The following WDR64 variants were observed in gnomAD, a reference collection of about 807,000 sequenced individuals.
The protein encoded by WDR64 is WD repeat domain 64, also known as WD repeat-containing protein 64.
Under a neutral mutation model 139.3 loss-of-function variants are expected in WDR64, and 112 were observed. That is an observed-to-expected ratio of 0.80 (90% CI 0.69 to 0.94). The LOEUF is 0.94. Among genes scored for constraint, WDR64 ranks in the 40% least tolerant of loss-of-function variants. The probability of loss-of-function intolerance (pLI) is 0.00; values close to 1 mark genes in which losing one functional copy is unlikely to be tolerated. For missense variants in WDR64, 1,206 were observed against 1,293.1 expected (o/e 0.93, Z 1.03); for synonymous variants, 444 against 437.7 (o/e 1.01, Z -0.18).
chr1:241,792,804 G>A (rs1424773763), intron 25 of WDR64, among the ~76,000 whole-genome samples: 1 of 152,130 alleles, frequency 6.6e-6, no homozygotes, highest in Non-Finnish European at 1.5e-5. Flanking sequence ...TGGTAGTGGT[G>A]TAAATTGGTA....
intron 15 of WDR64, among the ~76,000 whole-genome samples, chr1:241,763,679 T>A (rs1310839100): frequency 1.3e-5 from 2 of 152,184 alleles, no homozygotes; most frequent in Non-Finnish European, 2.9e-5. Context: ...CACTCCAGCC[T>A]TGGCAACAGA....
In WDR64 at chr1:241,781,817, G is replaced by T. The variant is rs1296644933; in HGVS notation, c.2596-1455G>T. ...TCATATTGATGTACATTTCACATAG[G>T]TGAAGTATCCTTTTGTGAAACTTGT... On this transcript the variant is annotated intron_variant, in intron 22 of 27. Coordinates refer to ENST00000437684, the MANE Select transcript of WDR64 (RefSeq NM_001367482.1). 2.0e-5 allele frequency among the ~76,000 whole-genome samples: 3 copies of T among 152,220 alleles called. No individual in the cohort carries two copies. In the East Asian group the frequency reaches 5.8e-4, roughly 29 times the overall value.
intron 15 of WDR64, among the ~76,000 whole-genome samples, chr1:241,758,199 G>C (rs992125271): frequency 1.3e-5 from 2 of 151,848 alleles, no homozygotes; most frequent in Non-Finnish European, 2.9e-5. Context: ...CTGCAATCTG[G>C]TAGTTAAATC....
At chr1:241,780,086 T>C (rs369245906) in intron 22 of WDR64, 24 bp downstream of exon 22, 1 of 1,564,462 alleles carries the variant, frequency 6.4e-7, no homozygotes. Context: ...TTTTCCACTT[T>C]AATTTATGAG....
intron 16 of WDR64, among the ~76,000 whole-genome samples, chr1:241,767,862 TG>T (rs1658250709): frequency 6.6e-6 from 1 of 152,182 alleles, no homozygotes; most frequent in Non-Finnish European, 1.5e-5. Flanking sequence ...ATCCTGCCCC[TG>T]GAATTCCTGT....
chr1:241,683,864 T>TACACACAC (rs11473073), intron 7 of WDR64, among the ~76,000 whole-genome samples, 163 bp downstream of exon 7: 4,236 of 145,506 alleles, frequency 0.029, 82 homozygotes, highest in African/African-American at 0.051. Flanking sequence ...TGTTCATGTA[T>TACACACAC]ACACACACAC....
intron 10 of WDR64, among the ~76,000 whole-genome samples, chr1:241,726,446 T>G (rs929101848): frequency 2.6e-5 from 4 of 152,012 alleles, no homozygotes; most frequent in African/African-American, 9.7e-5. Flanking sequence ...CTATTTAAAT[T>G]GACTAAAACT....
chr1:241,712,832 A>T (rs998981949), intron 9 of WDR64, among the ~76,000 whole-genome samples: 1 of 152,020 alleles, frequency 6.6e-6, no homozygotes, highest in Admixed American at 6.6e-5. Context: ...CAAGAGGCTG[A>T]GGCAGAGGAT....
At chr1:241,796,479 A>C in intron 27 of WDR64, 109 bp downstream of exon 27, 4 of 730,180 alleles carry the variant, frequency 5.5e-6, no homozygotes, top group Non-Finnish European at 8.4e-6. Flanking sequence ...ACCTAAAATC[A>C]TTTCAGTTCA....
intron 9 of WDR64, among the ~76,000 whole-genome samples, chr1:241,721,880 A>G (rs1158292044): frequency 6.6e-6 from 1 of 152,172 alleles, no homozygotes; most frequent in Non-Finnish European, 1.5e-5. Context: ...ACACAATGAA[A>G]ATGTAAAGTT....
At chr1:241,738,600 T>A (rs967548543) in intron 11 of WDR64, 111 bp downstream of exon 11, 9 of 1,115,026 alleles carry the variant, frequency 8.1e-6, no homozygotes, top group Non-Finnish European at 1.1e-5. Context: ...AAGGGTAATT[T>A]ATCAAACCAT....
At chr1:241,698,212 G>A (rs936682270) in intron 8 of WDR64, among the ~76,000 whole-genome samples, 3 of 151,966 alleles carry the variant, frequency 2.0e-5, no homozygotes, top group Non-Finnish European at 4.4e-5. Flanking sequence ...TATTTTGCTT[G>A]GTGGCACTAT....
rs1180993238 is a variant in WDR64 at position 241,703,989 on chromosome 1, C to T, written c.975-7813C>T. Among the ~76,000 whole-genome samples, 8 of 152,216 alleles carry T rather than the reference C, an allele frequency of 5.3e-5. No individual in the cohort carries two copies. The highest frequency in any genetic ancestry group is 1.5e-5 in the Non-Finnish European group (1 of 68,032). Reference sequence around the variant, plus strand: ...TGAACCAATCACCTCCCACTAGGTTCCTTCCTCAATACTTGGGGATTACAA... The same window carrying T: ...TGAACCAATCACCTCCCACTAGGTTTCTTCCTCAATACTTGGGGATTACAA... On this transcript the variant is annotated intron_variant, in intron 8 of 27. Transcript: ENST00000437684. The surrounding 1 kb of genome is among the most constrained non-coding windows in gnomAD (Gnocchi z 5.9).
chr1:241,779,019 T>C (rs1425156395), intron 21 of WDR64, among the ~76,000 whole-genome samples: 1 of 152,156 alleles, frequency 6.6e-6, no homozygotes, highest in East Asian at 1.9e-4. Context: ...TTCTTTTTTC[T>C]GAACTTCTTT....
At chr1:241,690,645 T>C (rs946547594) in intron 8 of WDR64, among the ~76,000 whole-genome samples, 1 of 152,092 alleles carries the variant, frequency 6.6e-6, no homozygotes, top group Non-Finnish European at 1.5e-5. Flanking sequence ...ACCGTGAAAT[T>C]AGCCTTTAAA....
intron 7 of WDR64, 50 bp downstream of exon 7, chr1:241,683,751 T>G (rs1468138706): frequency 7.3e-7 from 1 of 1,366,206 alleles, no homozygotes; most frequent in East Asian, 2.5e-5. Flanking sequence ...TATAGTCTTT[T>G]GCAAGTAAGC....
intron 10 of WDR64, among the ~76,000 whole-genome samples, chr1:241,733,453 C>T (rs765717048): frequency 4.0e-5 from 6 of 150,768 alleles, no homozygotes; most frequent in South Asian, 4.2e-4. Context: ...CCAGCCTGGG[C>T]GACAAGAGCA....
intron 10 of WDR64, among the ~76,000 whole-genome samples, chr1:241,724,174 T>C (rs1668715742): frequency 6.6e-6 from 1 of 152,154 alleles, no homozygotes; most frequent in South Asian, 2.1e-4. Flanking sequence ...ACTATGTTCC[T>C]ACATGGAAAT....
rs749668564 is a variant in WDR64 at position 241,787,972 on chromosome 1, A to C, written c.2829A>C (p.Lys943Asn). 1.2e-6 allele frequency: 2 copies of C among 1,607,938 alleles called. No individual in the cohort carries two copies. Among genetic ancestry groups the C allele is most frequent in the East Asian group, 4.5e-5 (2 of 44,780 alleles). The change falls in exon 24 of 28, where the codon AAA (lysine) becomes AAC (asparagine). Residue 943 changes from lysine (K) to asparagine (N), a missense_variant. By Grantham distance (94) the Lys-to-Asn change is moderately conservative. Coordinates refer to ENST00000437684, the MANE Select transcript of WDR64 (RefSeq NM_001367482.1). The stretch of plus-strand genomic sequence containing the variant: ...TTACTGAATATCCCATAGAAATAAA[A>C]GAAGAAAGCAAGTTCACAGAGAAGC... Reference protein sequence around the residue: ...CDVTEYPIEIKEESKFTEKQK... With the variant: ...CDVTEYPIEINEESKFTEKQK...
Sources: allele counts gnomAD v4.1 joint callset (sites outside exome capture counted in the v4.1 genomes callset), GRCh38; gene constraint gnomAD v4.1.1; non-coding constraint Gnocchi (gnomAD v3.1); transcripts MANE v1.5; gene names NCBI Gene and HGNC (gene_info 2026-07-23, HGNC 2026-07-21).